P2RY14: variants seen among roughly 807,000 people sequenced by gnomAD.
P2RY14 encodes the protein purinergic receptor P2Y14.
In P2RY14, 2 loss-of-function variants were observed where a neutral mutation model predicts 0.9. The observed-to-expected ratio is 2.16, with a 90% CI of 0.88 to 6.79. The LOEUF (loss-of-function observed/expected upper bound fraction) is 6.79. P2RY14 is among the 30% of genes most tolerant of loss of function. The pLI, the probability that P2RY14 is intolerant of heterozygous loss-of-function variation, is 0.05. For missense variants in P2RY14, 378 were observed against 400.1 expected (o/e 0.94, Z 0.47); for synonymous variants, 158 against 147.2 (o/e 1.07, Z -0.53).
chr3:151,239,066 G>A (rs1230548432), intron 1 of P2RY14, among the ~76,000 whole-genome samples: 2 of 152,098 alleles, frequency 1.3e-5, no homozygotes, highest in African/African-American at 4.8e-5. Flanking sequence ...TGTGAGTTTC[G>A]TAGCTTTCCG....
intron 2 of P2RY14, 118 bp from the exon 3 acceptor site, chr3:151,214,458 T>A (rs1412898022): frequency 1.6e-6 from 1 of 641,866 alleles, no homozygotes; most frequent in East Asian, 2.6e-5. Context: ...TGAAGCCACC[T>A]TTTTACTCTG....
intron 1 of P2RY14, among the ~76,000 whole-genome samples, chr3:151,251,480 C>G (rs890902588): frequency 6.6e-6 from 1 of 152,148 alleles, no homozygotes; most frequent in Admixed American, 6.6e-5. Context: ...GCCTCCCACC[C>G]ACAGGGTGTG....
intron 1 of P2RY14, among the ~76,000 whole-genome samples, chr3:151,274,596 C>T (rs1325982238): frequency 6.6e-6 from 1 of 152,188 alleles, no homozygotes; most frequent in East Asian, 1.9e-4. Context: ...TCTGTACATG[C>T]AGGGCTATCA....
chr3:151,214,784 A>T (rs778269700), intron 2 of P2RY14, among the ~76,000 whole-genome samples: 27 of 152,230 alleles, frequency 1.8e-4, no homozygotes, highest in Non-Finnish European at 3.4e-4. Flanking sequence ...CCAGAGTTCT[A>T]GGAAATACTC....
intron 1 of P2RY14, among the ~76,000 whole-genome samples, chr3:151,227,009 T>C (rs1387832216): frequency 6.6e-6 from 1 of 152,218 alleles, no homozygotes; most frequent in Non-Finnish European, 1.5e-5. Flanking sequence ...AGAGCTCTGC[T>C]TGCTGCTGTT....
intron 1 of P2RY14, among the ~76,000 whole-genome samples, chr3:151,243,217 C>T (rs1175669851): frequency 6.6e-6 from 1 of 151,742 alleles, no homozygotes; most frequent in East Asian, 1.9e-4. Context: ...GGAGAACTTC[C>T]CCAATCTAGC....
chr3:151,234,479 A>G (rs984271244), intron 1 of P2RY14, among the ~76,000 whole-genome samples: 3 of 152,242 alleles, frequency 2.0e-5, no homozygotes, highest in Admixed American at 1.3e-4. Context: ...ATTTGTTTTT[A>G]CTAGCTTGTC....
chr3:151,213,594 C>G lies in P2RY14; in HGVS notation c.723G>C (p.Val241=). ...GGTAAGGTACAAAACAGACAAAAAA[C>G]ACAAACACGATGCTGAATATGTTGC... ...SSRNIFSIVF[V]FFVCFVPYHI... The change falls in exon 3 of 3, where the codon GTG becomes GTC. Residue 241 remains valine (V), a synonymous_variant. Transcript: ENST00000309170. 6.2e-7 allele frequency: 1 copy of G among 1,614,170 alleles called. No individual in the cohort carries two copies. Among genetic ancestry groups the G allele is most frequent in the Non-Finnish European group, 8.5e-7 (1 of 1,180,030 alleles).
At chr3:151,225,624 G>T (rs890261348) in intron 1 of P2RY14, among the ~76,000 whole-genome samples, 1 of 152,230 alleles carries the variant, frequency 6.6e-6, no homozygotes, top group Non-Finnish European at 1.5e-5. Flanking sequence ...CTTTCTGTCA[G>T]ATCCTATCGG....
chr3:151,231,252 C>T (rs1461787031), intron 1 of P2RY14, among the ~76,000 whole-genome samples: 1 of 152,204 alleles, frequency 6.6e-6, no homozygotes, highest in East Asian at 1.9e-4. Flanking sequence ...ATTTTGCAAC[C>T]TCAGTGTGAT....
At chr3:151,216,443 A>T (rs1276041834) in intron 2 of P2RY14, among the ~76,000 whole-genome samples, 1 of 152,238 alleles carries the variant, frequency 6.6e-6, no homozygotes, top group African/African-American at 2.4e-5. Flanking sequence ...ATACAGTCAC[A>T]TTCCACATAA....
At chr3:151,243,283 T>G (rs1346722496) in intron 1 of P2RY14, among the ~76,000 whole-genome samples, 2 of 151,466 alleles carry the variant, frequency 1.3e-5, no homozygotes, top group Non-Finnish European at 1.5e-5. Flanking sequence ...AAGATACTCC[T>G]CGAGAAGAGC....
At chr3:151,267,309 T>C (rs1430399557) in intron 1 of P2RY14, among the ~76,000 whole-genome samples, 1 of 152,202 alleles carries the variant, frequency 6.6e-6, no homozygotes, top group Non-Finnish European at 1.5e-5. Flanking sequence ...AAGGAAATGG[T>C]AGTCATTGAA....
Position 151,230,765 on chromosome 3 carries a change from G to A in P2RY14, c.-132-11123C>T, listed in dbSNP as rs1041442773. 7.2e-5 allele frequency among the ~76,000 whole-genome samples: 11 copies of A among 152,210 alleles called. No individual in the cohort carries two copies. The East Asian group carries it at 9.6e-4, about 13-fold the overall frequency. On this transcript the variant is annotated intron_variant, in intron 1 of 2. Coordinates refer to ENST00000309170, the MANE Select transcript of P2RY14 (RefSeq NM_014879.4). ...GTCTGTAAGTCATGACACCCCAATA[G>A]CTGTAAACTTGCTCAAGCCATTTTT... is the stretch of plus-strand genomic sequence containing the variant.
At chr3:151,266,515 CT>C (rs1281999639) in intron 1 of P2RY14, among the ~76,000 whole-genome samples, 1 of 152,144 alleles carries the variant, frequency 6.6e-6, no homozygotes, top group Non-Finnish European at 1.5e-5. Context: ...TAGTGCAGTC[CT>C]TTTTAAAAAT....
At chr3:151,218,866 CAAAAAAAAAAAAAAAAAAA>C (rs397686351) in intron 2 of P2RY14, among the ~76,000 whole-genome samples, 3 of 71,334 alleles carry the variant, frequency 4.2e-5, no homozygotes, top group African/African-American at 1.3e-4. Flanking sequence ...GACTCAGTCT[CAAAAAAAAAAAAAAAAAAA>C]AAAAAAAAAA....
intron 1 of P2RY14, among the ~76,000 whole-genome samples, chr3:151,261,753 C>A (rs1738946948): frequency 1.3e-5 from 2 of 151,272 alleles, no homozygotes; most frequent in African/African-American, 4.9e-5. Context: ...GAGACAGAGT[C>A]TTGCTGTGTC....
chr3:151,221,026 G>A (rs1053547751), intron 1 of P2RY14, among the ~76,000 whole-genome samples: 2 of 152,212 alleles, frequency 1.3e-5, no homozygotes, highest in Non-Finnish European at 2.9e-5. Context: ...AAAGTCCAGG[G>A]TGAGGTGGTC....
chr3:151,223,710 A>C (rs941702845), intron 1 of P2RY14, among the ~76,000 whole-genome samples: 1 of 152,220 alleles, frequency 6.6e-6, no homozygotes, highest in African/African-American at 2.4e-5. Flanking sequence ...GAAGCGGGGA[A>C]ATGGTGGAAA....
Sources: gnomAD v4.1 joint callset for allele counts (sites outside exome capture counted in the v4.1 genomes callset) on GRCh38, gnomAD v4.1.1 for gene constraint, MANE v1.5 for transcripts, NCBI Gene and HGNC (gene_info 2026-07-23, HGNC 2026-07-21) for gene names.